The following PCDHA4 variants were observed in gnomAD, a reference collection of about 807,000 sequenced individuals.
PCDHA4 encodes the protein protocadherin alpha 4, also known as protocadherin alpha-4.
A neutral mutation model predicts 61.4 loss-of-function variants in PCDHA4; 49 were observed. That is an observed-to-expected ratio of 0.80 (90% CI 0.63 to 1.01). PCDHA4 has a LOEUF of 1.01. Ranked by LOEUF, PCDHA4 falls within the 50% of genes least tolerant of loss-of-function variation. The pLI, the probability that PCDHA4 is intolerant of heterozygous loss-of-function variation, is 0.00. For synonymous variants in PCDHA4, 590 were observed against 550.3 expected (o/e 1.07, Z -1.01); for missense variants, 1,254 against 1,235.8 (o/e 1.01, Z -0.22).
rs781859537 is a variant in PCDHA4, at chr5:140,858,340, G to A, written c.2385+48768G>A. Reference sequence around the variant, plus strand: ...TGTGTTCTGGGGAGGGCCTGCCCAAGGCGGACCTCATGGCCTTCAGCCCCA... The same window carrying A: ...TGTGTTCTGGGGAGGGCCTGCCCAAAGCGGACCTCATGGCCTTCAGCCCCA... On this transcript the variant is annotated intron_variant, in intron 1 of 3. Coordinates refer to ENST00000530339, the MANE Select transcript of PCDHA4 (RefSeq NM_018907.4). The A allele has an allele frequency of 1.2e-5, 19 of 1,595,540 alleles. No individual in the cohort carries two copies. In the South Asian group the frequency reaches 1.3e-4, roughly 11 times the overall value.
At chr5:140,877,334 C>T (rs375199455) in intron 1 of PCDHA4, 1 of 1,614,002 alleles carries the variant, frequency 6.2e-7, no homozygotes, top group Non-Finnish European at 8.5e-7. Flanking sequence ...GCGCACATCC[C>T]GTTCCACGTG....
chr5:140,956,315 A>G (rs246013), intron 1 of PCDHA4, among the ~76,000 whole-genome samples: 85,586 of 151,908 alleles, frequency 0.56, 24,725 homozygotes, highest in African/African-American at 0.69. Flanking sequence ...TTATTTTGAG[A>G]TATGTTCCTT....
At chr5:140,982,688 ATACATACATGATTTCCT>A in intron 3 of PCDHA4, 125 bp downstream of exon 3, 1 of 1,415,764 alleles carries the variant, frequency 7.1e-7, no homozygotes, top group African/African-American at 1.4e-5. Flanking sequence ...CCTTTTTTCC[ATACATACATGATTTCCT>A]TACATATATG....
intron 1 of PCDHA4, chr5:140,868,995 A>G (rs944875255): frequency 4.0e-6 from 6 of 1,516,046 alleles, no homozygotes; most frequent in Non-Finnish European, 5.3e-6. Context: ...CCACCGTTTA[A>G]GGATCCTTTG....
intron 1 of PCDHA4, chr5:140,843,383 G>A (rs1778840554): frequency 6.3e-7 from 1 of 1,596,120 alleles, no homozygotes; most frequent in South Asian, 1.1e-5. Context: ...TGGCGTTTTG[G>A]GTCCGGAAGC....
At chr5:140,966,997 G>A in intron 1 of PCDHA4, 3 of 1,604,812 alleles carry the variant, frequency 1.9e-6, no homozygotes, top group Non-Finnish European at 2.5e-6. Flanking sequence ...CGGGTTGCTT[G>A]CGCATCAACC....
chr5:140,916,210 A>G, intron 1 of PCDHA4, among the ~76,000 whole-genome samples: 1 of 152,210 alleles, frequency 6.6e-6, no homozygotes, highest in East Asian at 1.9e-4. Context: ...GCCCTGGGGA[A>G]GATCCAAATA....
rs191500915 is a variant in PCDHA4, at chr5:140,840,115, G to A, written c.2385+30543G>A. Among the ~76,000 whole-genome samples, 14 of 152,082 alleles carry A rather than the reference G, an allele frequency of 9.2e-5. No individual in the cohort carries two copies. In the East Asian group the frequency reaches 2.7e-3, roughly 29 times the overall value. ...AAGATTTTAGTGAAATCGAGTGAAA[G>A]CTGTACTAATAAGGACAGAAATTAT... is the stretch of plus-strand genomic sequence containing the variant. On this transcript the variant is annotated intron_variant, in intron 1 of 3. Coordinates refer to ENST00000530339, the MANE Select transcript of PCDHA4 (RefSeq NM_018907.4).
At chr5:140,843,690 A>G (rs2150365181) in intron 1 of PCDHA4, 2 of 1,587,072 alleles carry the variant, frequency 1.3e-6, no homozygotes, top group Admixed American at 3.4e-5. Context: ...GAAGAGCAAG[A>G]TTTAAATGTT....
rs1474245483 is a variant in PCDHA4, at chr5:140,946,429, A to C, written c.2386-32520A>C. Reference sequence around the variant, plus strand: ...ATAGAAAACAATATGGAGGTTACTCAAAAATTGAGACTAAAACAACTATCC... The same window carrying C: ...ATAGAAAACAATATGGAGGTTACTCCAAAATTGAGACTAAAACAACTATCC... On this transcript the variant is annotated intron_variant, in intron 1 of 3. Coordinates refer to ENST00000530339, the MANE Select transcript of PCDHA4 (RefSeq NM_018907.4). 2.0e-5 allele frequency among the ~76,000 whole-genome samples: 3 copies of C among 151,826 alleles called. No homozygotes were observed. In the East Asian group the frequency reaches 5.8e-4, roughly 29 times the overall value.
At chr5:140,967,978 G>A in intron 1 of PCDHA4, 5 of 1,614,206 alleles carry the variant, frequency 3.1e-6, no homozygotes, top group Non-Finnish European at 3.4e-6. Flanking sequence ...GCCTGGGTCT[G>A]GAGGCCACAC....
intron 1 of PCDHA4, chr5:140,824,528 C>T (rs2150134685): frequency 9.5e-5 from 19 of 200,362 alleles, no homozygotes; most frequent in Middle Eastern, 2.0e-3. Context: ...CATAGCTCAC[C>T]GAAGCCTGAA....
intron 1 of PCDHA4, chr5:140,856,597 C>CA: frequency 1.3e-6 from 2 of 1,597,412 alleles, no homozygotes; most frequent in Non-Finnish European, 1.7e-6. Context: ...ATATTATAAA[C>CA]AAAAAAGACA....
At chr5:140,896,673 G>A (rs962137649) in intron 1 of PCDHA4, among the ~76,000 whole-genome samples, 12 of 152,000 alleles carry the variant, frequency 7.9e-5, no homozygotes, top group Admixed American at 2.6e-4. Context: ...CACTGTGCCC[G>A]GCCCTTTGCC....
At chr5:140,856,691 G>A (rs2044151456) in intron 1 of PCDHA4, 1 of 1,596,420 alleles carries the variant, frequency 6.3e-7, no homozygotes, top group African/African-American at 1.3e-5. Context: ...GACAGCAACT[G>A]ATGGAGGCAA....
At chr5:140,870,836 A>C in intron 1 of PCDHA4, 1 of 1,613,796 alleles carries the variant, frequency 6.2e-7, no homozygotes, top group Non-Finnish European at 8.5e-7. Flanking sequence ...GCAGTTAACA[A>C]GCTAGTACCG....
intron 1 of PCDHA4, chr5:140,823,650 G>C: frequency 6.2e-7 from 1 of 1,613,996 alleles, no homozygotes; most frequent in Non-Finnish European, 8.5e-7. Flanking sequence ...GCGTGGGGCT[G>C]TACACAGGCG....
chr5:140,899,848 C>T (rs2067590475), intron 1 of PCDHA4, among the ~76,000 whole-genome samples: 1 of 152,178 alleles, frequency 6.6e-6, no homozygotes, highest in Non-Finnish European at 1.5e-5. Flanking sequence ...TGCTGTGTCA[C>T]CCAGGCTGGA....
intron 1 of PCDHA4, chr5:140,851,093 TA>T: frequency 1.5e-6 from 2 of 1,294,092 alleles, no homozygotes; most frequent in Admixed American, 2.9e-5. Flanking sequence ...ATTAAATAGA[TA>T]TTTTTTGGGT....
Sources: allele counts gnomAD v4.1 joint callset (sites outside exome capture counted in the v4.1 genomes callset), GRCh38; gene constraint gnomAD v4.1.1; transcripts MANE v1.5; gene names NCBI Gene and HGNC (gene_info 2026-07-23, HGNC 2026-07-21).